FBXL18: variants seen among roughly 807,000 people sequenced by gnomAD.
FBXL18 encodes the protein F-box and leucine rich repeat protein 18.
A neutral mutation model predicts 46.0 loss-of-function variants in FBXL18; 36 were observed. The ratio of observed to expected loss-of-function variants is 0.78; its 90% CI spans 0.60 to 1.03. The LOEUF (loss-of-function observed/expected upper bound fraction) is 1.03, where lower values mean the gene tolerates loss of function less well. FBXL18 is among the 50% of genes least tolerant of loss of function. The pLI is 0.00. For synonymous variants in FBXL18, 557 were observed against 465.3 expected, an observed-to-expected ratio of 1.20 and a Z score of -2.54; for missense variants, 977 against 1,004.1, an observed-to-expected ratio of 0.97 and a Z score of 0.36.
At chr7:5,459,739 C>CAA (rs747295023) in intron 4 of FBXL18, among the ~76,000 whole-genome samples, 5 of 92,410 alleles carry the variant, frequency 5.4e-5, no homozygotes, top group South Asian at 3.0e-4. Flanking sequence ...GACTCCATCT[C>CAA]AAAAAAAAAA....
At chr7:5,502,556 C>A (rs1269016359) in intron 2 of FBXL18, among the ~76,000 whole-genome samples, 1 of 151,408 alleles carries the variant, frequency 6.6e-6, no homozygotes, top group Non-Finnish European at 1.5e-5. Flanking sequence ...AAAGGCCGGG[C>A]CCGGTGGCTC....
rs1336562410 is a variant in FBXL18 at position 5,502,051 on chromosome 7, T to C, written c.238-20A>G. On this transcript the variant is annotated intron_variant, in intron 2 of 4. Coordinates refer to ENST00000382368, the MANE Select transcript of FBXL18 (RefSeq NM_024963.6). Reference sequence around the variant, plus strand: ...GCTCGCCTGCGGGACAGAGGCAGGGTGGGGAGAGGAAGGAAAGGGCTGAAG... The same window carrying C: ...GCTCGCCTGCGGGACAGAGGCAGGGCGGGGAGAGGAAGGAAAGGGCTGAAG... The C allele has an allele frequency of 6.5e-7, 1 of 1,539,058 alleles. No homozygotes were observed. The highest frequency in any genetic ancestry group is 8.8e-7 in the Non-Finnish European group (1 of 1,138,744).
chr7:5,462,781 C>G (rs1189349635), intron 4 of FBXL18, among the ~76,000 whole-genome samples: 1 of 150,552 alleles, frequency 6.6e-6, no homozygotes, highest in African/African-American at 2.4e-5. Context: ...GAAACCCTAT[C>G]TCTACTAAAA....
chr7:5,500,751 G>T lies in FBXL18; in HGVS notation c.1518C>A (p.Ile506=), dbSNP rs755333985. ...SSAMPRNEPA[I]RNSLPPCSRA... ...GGCTGCAGGGTGGGAGCGAGTTGCG[G>T]ATGGCGGGCTCGTTGCGGGGCATGG... Residue 506 remains isoleucine, a synonymous_variant, in exon 3 of 5, where the codon ATC becomes ATA. Coordinates refer to ENST00000382368, the MANE Select transcript of FBXL18 (RefSeq NM_024963.6). 2 of 1,612,624 alleles carry T rather than the reference G, an allele frequency of 1.2e-6. No homozygotes were observed. The highest frequency in any genetic ancestry group is 1.7e-6 in the Non-Finnish European group (2 of 1,179,744).
chr7:5,489,201 T>C, intron 4 of FBXL18: 1 of 513,982 alleles, frequency 1.9e-6, no homozygotes, highest in South Asian at 1.4e-5. Flanking sequence ...TAGGGCTTTA[T>C]TTACTGACAC....
In FBXL18 at chr7:5,476,716, G is replaced by C. The variant is rs948991379; in HGVS notation, c.*5059C>G. On this transcript the variant is annotated 3_prime_UTR_variant, in exon 5 of 5. Coordinates refer to ENST00000382368, the MANE Select transcript of FBXL18 (RefSeq NM_024963.6). ...ACTCCTGGGCTCAAGCGATCCTCCTGCCCCAGCCTCCCAAAGTGCTGGGAT... is the reference window on the plus strand; with the variant it reads ...ACTCCTGGGCTCAAGCGATCCTCCTCCCCCAGCCTCCCAAAGTGCTGGGAT... 1 of 152,426 alleles carries C rather than the reference G, an allele frequency of 6.6e-6. No individual in the cohort carries two copies. Among genetic ancestry groups the C allele is most frequent in the Non-Finnish European group, 1.5e-5 (1 of 68,324 alleles). 9.4% of individuals were successfully genotyped at this position (152,426 alleles called of 1,614,324 possible).
In FBXL18 at chr7:5,481,547, C is replaced by G. The variant is rs1229278504; in HGVS notation, c.*228G>C. 1 of 505,052 alleles carries G rather than the reference C, an allele frequency of 2.0e-6. No individual in the cohort carries two copies. Among genetic ancestry groups the G allele is most frequent in the Non-Finnish European group, 3.6e-6 (1 of 281,248 alleles). 31.3% of individuals were successfully genotyped at this position (505,052 alleles called of 1,614,324 possible). A position where few individuals can be genotyped will look rare whatever the true frequency, so the allele number is the denominator to read the frequency against. ...AGCCAGCCCCCCACATCGACCGTCC[C>G]CCGAGCCCCCTCATGTCACCCAGAA... On this transcript the variant is annotated 3_prime_UTR_variant, in exon 5 of 5. Coordinates refer to ENST00000382368, the MANE Select transcript of FBXL18 (RefSeq NM_024963.6).
chr7:5,512,874 T>C (rs995640514), intron 1 of FBXL18, among the ~76,000 whole-genome samples: 1 of 152,042 alleles, frequency 6.6e-6, no homozygotes, highest in Non-Finnish European at 1.5e-5. Flanking sequence ...CCCTGCCCCA[T>C]CACTCTGAGG....
intron 4 of FBXL18, among the ~76,000 whole-genome samples, chr7:5,467,712 T>A (rs2128231713): frequency 2.0e-5 from 3 of 152,172 alleles, no homozygotes; most frequent in Middle Eastern, 6.8e-3. Flanking sequence ...TTCCTCCCCG[T>A]CAAAAAATAT....
intron 1 of FBXL18, among the ~76,000 whole-genome samples, chr7:5,509,667 A>C (rs1194589915): frequency 7.0e-6 from 1 of 141,994 alleles, no homozygotes; most frequent in African/African-American, 2.7e-5. Context: ...GTGCCACTGC[A>C]CTCCAGCCTG....
At chr7:5,467,727 C>G (rs1421733652) in intron 4 of FBXL18, among the ~76,000 whole-genome samples, 1 of 152,106 alleles carries the variant, frequency 6.6e-6, no homozygotes, top group East Asian at 1.9e-4. Flanking sequence ...AAATATTAAT[C>G]CTCCGCTCCA....
intron 4 of FBXL18, among the ~76,000 whole-genome samples, chr7:5,464,517 G>C (rs1783312778): frequency 6.6e-6 from 1 of 151,630 alleles, no homozygotes; most frequent in South Asian, 2.1e-4. Context: ...ACAAAAATCA[G>C]CTGGGCGTTG....
Position 5,496,802 on chromosome 7 carries a change from G to C in FBXL18, c.1781+3686C>G, listed in dbSNP as rs1420654154. ...CCACTTTGGGAGGCCGAGGTGGGCG[G>C]ATCACCTGAGGTCAGGAGTTCGAGA... On this transcript the variant is annotated intron_variant, in intron 3 of 4. Coordinates refer to ENST00000382368, the MANE Select transcript of FBXL18 (RefSeq NM_024963.6). The surrounding 1 kb of genome is among the most constrained non-coding windows in gnomAD (Gnocchi z 4.8). Among the ~76,000 whole-genome samples, 1 of 152,140 alleles carries C rather than the reference G, an allele frequency of 6.6e-6. No individual in the cohort carries two copies. The highest frequency in any genetic ancestry group is 1.5e-5 in the Non-Finnish European group (1 of 68,030).
At chr7:5,490,031 A>G (rs763254496) in intron 4 of FBXL18, 1 of 1,327,928 alleles carries the variant, frequency 7.5e-7, no homozygotes, top group Non-Finnish European at 1.0e-6. Context: ...ACAACCAGAG[A>G]GGGGGAAACC....
At chr7:5,485,186 G>A (rs540809596) in intron 4 of FBXL18, among the ~76,000 whole-genome samples, 1 of 152,292 alleles carries the variant, frequency 6.6e-6, no homozygotes, top group East Asian at 1.9e-4. Context: ...CCAGGAAGGA[G>A]CAGCCTGCTT....
At chr7:5,461,666 C>T (rs951339899) in intron 4 of FBXL18, among the ~76,000 whole-genome samples, 3 of 152,058 alleles carry the variant, frequency 2.0e-5, no homozygotes, top group South Asian at 2.1e-4. Flanking sequence ...ATTGGCCAGG[C>T]GCAGTGGCTC....
chr7:5,469,473 G>A (rs191392663), intron 4 of FBXL18, among the ~76,000 whole-genome samples: 8 of 152,230 alleles, frequency 5.3e-5, no homozygotes, highest in Admixed American at 1.3e-4. Flanking sequence ...GAGTGAACAC[G>A]GGCATGTGTG....
At chr7:5,474,961 G>T (rs1299747632), downstream of FBXL18, among the ~76,000 whole-genome samples, 1 of 146,794 alleles carries the variant, frequency 6.8e-6, no homozygotes, top group Non-Finnish European at 1.5e-5. Flanking sequence ...GCCCGCCTCG[G>T]CCTCCCAAAG....
chr7:5,513,244 G>A (rs765011381), intron 1 of FBXL18, among the ~76,000 whole-genome samples: 4 of 152,130 alleles, frequency 2.6e-5, no homozygotes, highest in Non-Finnish European at 5.9e-5. Flanking sequence ...CCAGGGAGAA[G>A]TGGGCTGGGG....
Sources: allele counts gnomAD v4.1 joint callset (sites outside exome capture counted in the v4.1 genomes callset), GRCh38; gene constraint gnomAD v4.1.1; non-coding constraint Gnocchi (gnomAD v3.1); transcripts MANE v1.5; gene names NCBI Gene and HGNC (gene_info 2026-07-23, HGNC 2026-07-21).